CSMD1: variants seen among roughly 807,000 people sequenced by gnomAD.
CSMD1 encodes the protein CUB and sushi domain-containing protein 1.
A neutral mutation model predicts 417.5 loss-of-function variants in CSMD1; 213 were observed. That is an observed-to-expected ratio of 0.51 (90% CI 0.46 to 0.57). The LOEUF is 0.57. Ranked by LOEUF, CSMD1 falls within the 20% of genes least tolerant of loss-of-function variation. The probability of loss-of-function intolerance (pLI) is 0.00; values close to 1 mark genes in which losing one functional copy is unlikely to be tolerated. For synonymous variants in CSMD1, 2,862 were observed against 1,736.8 expected, an observed-to-expected ratio of 1.65 and a Z score of -16.11; for missense variants, 6,923 against 4,529.7, an observed-to-expected ratio of 1.53 and a Z score of -15.17.
At chr8:4,801,752 T>G (rs11136779) in intron 1 of CSMD1, among the ~76,000 whole-genome samples, 42,087 of 150,920 alleles carry the variant, frequency 0.28, 7,294 homozygotes, top group Admixed American at 0.45. Context: ...ACACAGAAAC[T>G]TTGTGAGGCA....
intron 7 of CSMD1, among the ~76,000 whole-genome samples, chr8:3,668,596 G>A (rs896823337): frequency 3.3e-5 from 5 of 152,198 alleles, no homozygotes; most frequent in South Asian, 2.1e-4. Context: ...CAGAAAATAT[G>A]CAAAAGAGAC....
chr8:4,314,140 C>G (rs1798791377), intron 3 of CSMD1, among the ~76,000 whole-genome samples: 2 of 152,042 alleles, frequency 1.3e-5, no homozygotes, highest in African/African-American at 4.8e-5. Flanking sequence ...CAGAGACTGT[C>G]AACACATCCG....
At chr8:4,650,691 G>A (rs900880371) in intron 1 of CSMD1, among the ~76,000 whole-genome samples, 2 of 151,558 alleles carry the variant, frequency 1.3e-5, no homozygotes, top group East Asian at 3.9e-4. Flanking sequence ...AGTTGATTCT[G>A]TGTGTGATTT....
chr8:4,070,398 C>T (rs991142759), intron 3 of CSMD1, among the ~76,000 whole-genome samples: 5 of 152,220 alleles, frequency 3.3e-5, no homozygotes, highest in South Asian at 4.2e-4. Flanking sequence ...CGCTGTGTCG[C>T]CCAGGCTGGA....
chr8:3,996,442 A>AG (rs1348467956), intron 5 of CSMD1, among the ~76,000 whole-genome samples: 12 of 68,736 alleles, frequency 1.7e-4, no homozygotes, highest in African/African-American at 2.4e-4. Flanking sequence ...TTCATTTTTA[A>AG]GATTTTTTTT....
intron 2 of CSMD1, among the ~76,000 whole-genome samples, chr8:4,481,589 T>G (rs1801104164): frequency 6.6e-6 from 1 of 152,190 alleles, no homozygotes; most frequent in Non-Finnish European, 1.5e-5. Context: ...TCACGTGTGA[T>G]CTCATCTAAT....
At chr8:4,598,595 A>G (rs1219308269) in intron 2 of CSMD1, among the ~76,000 whole-genome samples, 1 of 152,198 alleles carries the variant, frequency 6.6e-6, no homozygotes. Flanking sequence ...AATCCACTTT[A>G]GATACATTTG....
chr8:3,694,335 C>G (rs977449910), intron 7 of CSMD1, among the ~76,000 whole-genome samples: 25 of 152,188 alleles, frequency 1.6e-4, no homozygotes, highest in African/African-American at 5.8e-4. Context: ...ACTGAGCAGA[C>G]AGACAGGGGT....
rs528240217 is a variant in CSMD1, at chr8:3,427,543, A to G, written c.1562-17938T>C. Among the ~76,000 whole-genome samples, 18 of 152,336 alleles carry G rather than the reference A, an allele frequency of 1.2e-4. No homozygotes were observed. In the South Asian group the frequency reaches 2.1e-3, roughly 18 times the overall value. Reference sequence around the variant, plus strand: ...GAAGTAAAAAGAACCTTCTTCATCAATATAGGTGTATGGAAATAATCATAT... The same window carrying G: ...GAAGTAAAAAGAACCTTCTTCATCAGTATAGGTGTATGGAAATAATCATAT... On this transcript the variant is annotated intron_variant, in intron 12 of 69. Coordinates refer to ENST00000635120, the MANE Select transcript of CSMD1 (RefSeq NM_033225.6).
chr8:3,975,252 A>C (rs1451835122), intron 5 of CSMD1, among the ~76,000 whole-genome samples: 1 of 152,146 alleles, frequency 6.6e-6, no homozygotes, highest in Non-Finnish European at 1.5e-5. Flanking sequence ...TTCGTTATTT[A>C]TCAGTATGAG....
chr8:4,030,128 T>A (rs1310733857), intron 4 of CSMD1, among the ~76,000 whole-genome samples: 2 of 152,272 alleles, frequency 1.3e-5, no homozygotes, highest in African/African-American at 4.8e-5. Flanking sequence ...CTTTTCCAGG[T>A]GCATGATGCA....
chr8:3,072,410 AT>A (rs544662980), intron 49 of CSMD1, among the ~76,000 whole-genome samples: 2 of 152,326 alleles, frequency 1.3e-5, no homozygotes, highest in East Asian at 1.9e-4. Context: ...AAGCTTCAGA[AT>A]TTTTTTAAAC....
intron 5 of CSMD1, among the ~76,000 whole-genome samples, chr8:3,846,308 C>T (rs1303381259): frequency 6.6e-6 from 1 of 152,126 alleles, no homozygotes; most frequent in African/African-American, 2.4e-5. Flanking sequence ...TATTCCAGCT[C>T]CATGAGAATC....
intron 2 of CSMD1, among the ~76,000 whole-genome samples, chr8:4,465,245 G>A (rs947022671): frequency 2.6e-5 from 4 of 152,138 alleles, no homozygotes; most frequent in South Asian, 2.1e-4. Flanking sequence ...TTGAGTATGT[G>A]TCTCTTTCAT....
intron 2 of CSMD1, among the ~76,000 whole-genome samples, chr8:4,518,805 T>A (rs1003387605): frequency 2.6e-5 from 4 of 151,944 alleles, no homozygotes; most frequent in African/African-American, 9.7e-5. Context: ...AAAAATAGAA[T>A]AATTAAAATA....
intron 3 of CSMD1, among the ~76,000 whole-genome samples, chr8:4,182,190 G>C (rs1017461123): frequency 1.3e-5 from 2 of 152,040 alleles, no homozygotes; most frequent in African/African-American, 4.8e-5. Flanking sequence ...TTTCTGATTA[G>C]GTTCTGTGTT....
intron 1 of CSMD1, among the ~76,000 whole-genome samples, chr8:4,894,559 G>GAAA (rs56868930): frequency 0.022 from 689 of 31,552 alleles, 13 homozygotes; most frequent in African/African-American, 0.047. Context: ...TCTCAAAAAA[G>GAAA]AAAAAAAAAA....
Position 2,998,183 on chromosome 8 carries a change from G to A in CSMD1, c.8205C>T (p.Pro2735=), listed in dbSNP as rs1220718349. 1.2e-6 allele frequency: 2 copies of A among 1,613,732 alleles called. No homozygotes were observed. Among genetic ancestry groups the A allele is most frequent in the East Asian group, 2.2e-5 (1 of 44,868 alleles). Residue 2735 remains proline (P), a splice_region_variant and synonymous_variant, in exon 54 of 70, where the codon CCC becomes CCT. Transcript: ENST00000635120. The stretch of plus-strand genomic sequence containing the variant: ...GGTTTCCAGGGTGACCACATGTGAT[G>A]GCTGTAGAGAGACAGGTCAACGTCA... ...KWSGQTPVCV[P]ITCGHPGNPA...
intron 5 of CSMD1, among the ~76,000 whole-genome samples, chr8:3,777,530 G>A (rs1798957452): frequency 6.6e-6 from 1 of 152,138 alleles, no homozygotes; most frequent in Admixed American, 6.5e-5. Flanking sequence ...AATCCTACAG[G>A]ACGGAGGGCT....
Sources: allele counts gnomAD v4.1 joint callset (sites outside exome capture counted in the v4.1 genomes callset), GRCh38; gene constraint gnomAD v4.1.1; transcripts MANE v1.5; gene names NCBI Gene and HGNC (gene_info 2026-07-23, HGNC 2026-07-21).